The following SHC3 variants were observed in gnomAD, a reference collection of about 807,000 sequenced individuals.
The protein encoded by SHC3 is SHC adaptor protein 3.
In SHC3, 15 loss-of-function variants were observed where a neutral mutation model predicts 60.4. The ratio of observed to expected loss-of-function variants is 0.25; its 90% confidence interval spans 0.17 to 0.38. The LOEUF (loss-of-function observed/expected upper bound fraction) is 0.38, where lower values mean the gene tolerates loss of function less well. SHC3 is among the 10% of genes least tolerant of loss of function. The pLI, the probability that SHC3 is intolerant of heterozygous loss-of-function variation, is 1.00. For synonymous variants in SHC3, 294 were observed against 325.9 expected, an observed-to-expected ratio of 0.90 and a Z score of 1.05; for missense variants, 677 against 786.1, an observed-to-expected ratio of 0.86 and a Z score of 1.66.
intron 11 of SHC3, among the ~76,000 whole-genome samples, chr9:89,031,977 C>T (rs1054604627): frequency 3.3e-5 from 5 of 152,166 alleles, no homozygotes; most frequent in African/African-American, 4.8e-5. Flanking sequence ...CCACGAGTTT[C>T]CTCCAGCCTC....
chr9:89,160,287 C>T (rs934371304), intron 1 of SHC3, among the ~76,000 whole-genome samples: 17 of 152,336 alleles, frequency 1.1e-4, no homozygotes, highest in Admixed American at 7.2e-4. Flanking sequence ...ACACCCTCCA[C>T]TCCTCCACCT....
intron 6 of SHC3, among the ~76,000 whole-genome samples, chr9:89,052,568 T>G (rs1824879056): frequency 6.6e-6 from 1 of 152,146 alleles, no homozygotes; most frequent in Non-Finnish European, 1.5e-5. Context: ...CCATGAGGCC[T>G]TAAAAAATGG....
At chr9:89,143,852 A>G (rs959981231) in intron 1 of SHC3, among the ~76,000 whole-genome samples, 3 of 152,138 alleles carry the variant, frequency 2.0e-5, no homozygotes, top group Admixed American at 2.0e-4. Context: ...GGTCATACTC[A>G]AAACATATAT....
At chr9:89,126,733 G>A (rs926226810) in intron 1 of SHC3, among the ~76,000 whole-genome samples, 20 of 151,954 alleles carry the variant, frequency 1.3e-4, no homozygotes, top group South Asian at 4.2e-4. Context: ...AAAAATCACC[G>A]TTTATCTCTT....
chr9:89,058,762 T>C (rs956830279), intron 6 of SHC3, among the ~76,000 whole-genome samples: 1 of 123,154 alleles, frequency 8.1e-6, no homozygotes, highest in Non-Finnish European at 1.7e-5. Context: ...AGGATGGTGG[T>C]GGAGGATGTG....
chr9:89,165,526 C>CAAA (rs35567194), intron 1 of SHC3, among the ~76,000 whole-genome samples: 6,502 of 120,824 alleles, frequency 0.054, 321 homozygotes, highest in Admixed American at 0.068. Context: ...ATCATCAAGG[C>CAAA]AAAAAAAAAA....
chr9:89,147,175 T>C (rs1781693152), intron 1 of SHC3, among the ~76,000 whole-genome samples: 1 of 144,434 alleles, frequency 6.9e-6, no homozygotes, highest in Admixed American at 6.8e-5. Flanking sequence ...AAAAAAAAAA[T>C]TAAAAAAAAA....
At chr9:89,168,185 G>C (rs769016240) in intron 1 of SHC3, among the ~76,000 whole-genome samples, 6 of 152,216 alleles carry the variant, frequency 3.9e-5, no homozygotes, top group Non-Finnish European at 7.3e-5. Flanking sequence ...CTCTATTTGG[G>C]TCGGGCACGG....
At chr9:89,143,474 G>A (rs1487942013) in intron 1 of SHC3, among the ~76,000 whole-genome samples, 1 of 152,114 alleles carries the variant, frequency 6.6e-6, no homozygotes, top group Non-Finnish European at 1.5e-5. Flanking sequence ...GCAGGTTTCA[G>A]CCTCATTTTA....
Position 89,071,922 on chromosome 9 carries a change from C to T in SHC3, c.730-670G>A, listed in dbSNP as rs115483702. On this transcript the variant is annotated intron_variant, in intron 4 of 11. Transcript: ENST00000375835. Reference sequence around the variant, plus strand: ...CTCTTCCTTGCAAGACATTGTTGTGCATCTGGATCAAGCCAGGACACTCTC... The same window carrying T: ...CTCTTCCTTGCAAGACATTGTTGTGTATCTGGATCAAGCCAGGACACTCTC... Among the ~76,000 whole-genome samples the T allele has an allele frequency of 3.7e-3, 564 of 152,324 alleles. 6 individuals carry two copies. Among genetic ancestry groups the T allele is most frequent in the African/African-American group, 0.013 (546 of 41,568 alleles).
chr9:89,107,287 C>T (rs1587730946), intron 2 of SHC3, among the ~76,000 whole-genome samples: 1 of 152,350 alleles, frequency 6.6e-6, no homozygotes, highest in East Asian at 1.9e-4. Context: ...TATCCCATGA[C>T]TGCAGTAAGT....
intron 1 of SHC3, among the ~76,000 whole-genome samples, chr9:89,156,206 A>G (rs1268247221): frequency 6.6e-6 from 1 of 152,140 alleles, no homozygotes; most frequent in African/African-American, 2.4e-5. Context: ...AAGAATCCCT[A>G]TGGGAAAAAT....
At chr9:89,056,895 G>A (rs1824961334) in intron 6 of SHC3, among the ~76,000 whole-genome samples, 1 of 152,222 alleles carries the variant, frequency 6.6e-6, no homozygotes, top group Non-Finnish European at 1.5e-5. Flanking sequence ...AAACTTATCG[G>A]GATCCATGCC....
intron 11 of SHC3, among the ~76,000 whole-genome samples, chr9:89,026,068 A>C (rs1826292820): frequency 6.6e-6 from 1 of 152,076 alleles, no homozygotes; most frequent in Non-Finnish European, 1.5e-5. Flanking sequence ...ACATGGTGAA[A>C]CCTCATCTCT....
intron 11 of SHC3, among the ~76,000 whole-genome samples, chr9:89,030,652 C>T (rs1824471870): frequency 6.6e-6 from 1 of 152,144 alleles, no homozygotes; most frequent in African/African-American, 2.4e-5. Flanking sequence ...AATAACAGAA[C>T]ATCAAATTTT....
chr9:89,044,826 ATTAGTT>A (rs924749010), intron 9 of SHC3, among the ~76,000 whole-genome samples: 4 of 152,210 alleles, frequency 2.6e-5, no homozygotes, highest in Non-Finnish European at 5.9e-5. Context: ...TTATATCGAC[ATTAGTT>A]TTAATGTGTG....
Position 89,177,979 on chromosome 9 carries a change from G to C in SHC3, c.474+8C>G. 1 of 1,218,148 alleles carries C rather than the reference G, an allele frequency of 8.2e-7. No individual in the cohort carries two copies. The highest frequency in any genetic ancestry group is 1.0e-6 in the Non-Finnish European group (1 of 979,204). 75.5% of individuals were successfully genotyped at this position (1,218,148 alleles called of 1,614,324 possible). The stretch of plus-strand genomic sequence containing the variant: ...CCAGCCCCCAGGGCGGCCCGCGCCC[G>C]CACCCACCTTGACCACGTAGGTGAC... On this transcript the variant is annotated splice_region_variant and intron_variant, in intron 1 of 11. Coordinates refer to ENST00000375835, the MANE Select transcript of SHC3 (RefSeq NM_016848.6).
At chr9:89,085,984 A>T (rs1279438105) in intron 2 of SHC3, among the ~76,000 whole-genome samples, 1 of 152,138 alleles carries the variant, frequency 6.6e-6, no homozygotes, top group Non-Finnish European at 1.5e-5. Context: ...TAACAACCAA[A>T]CGTGCAGTGG....
intron 2 of SHC3, chr9:89,109,491 G>A: frequency 2.0e-6 from 2 of 985,510 alleles, no homozygotes; most frequent in Non-Finnish European, 2.4e-6. Flanking sequence ...TTGGACTTTT[G>A]TTTTCTGAGA....
Sources: gnomAD v4.1 joint callset for allele counts (sites outside exome capture counted in the v4.1 genomes callset) on GRCh38, gnomAD v4.1.1 for gene constraint, MANE v1.5 for transcripts, NCBI Gene and HGNC (gene_info 2026-07-23, HGNC 2026-07-21) for gene names.